Variants in FRMD4A observed in about 807,000 individuals in gnomAD.
FRMD4A encodes the protein FERM domain-containing protein 4A.
In FRMD4A, 29 loss-of-function variants were observed where a neutral mutation model predicts 129.1. That is an observed-to-expected ratio of 0.22 (90% CI 0.17 to 0.31). The LOEUF is 0.31. Ranked by LOEUF, FRMD4A falls within the 10% of genes least tolerant of loss-of-function variation. FRMD4A has a pLI of 1.00. For synonymous variants in FRMD4A, 634 were observed against 571.6 expected, an observed-to-expected ratio of 1.11 and a Z score of -1.56; for missense variants, 1,272 against 1,375.8, an observed-to-expected ratio of 0.92 and a Z score of 1.19.
intron 2 of FRMD4A, among the ~76,000 whole-genome samples, chr10:13,962,038 CG>C (rs2095448739): frequency 1.6e-5 from 2 of 128,416 alleles, no homozygotes; most frequent in African/African-American, 5.7e-5. Context: ...CAAAAACACA[CG>C]AATGAATGAA....
chr10:13,942,364 C>T (rs949159883), intron 2 of FRMD4A, among the ~76,000 whole-genome samples: 2 of 152,174 alleles, frequency 1.3e-5, no homozygotes, highest in African/African-American at 4.8e-5. Flanking sequence ...GGGCTGAGCT[C>T]TGTGAACAAA....
chr10:14,301,095 G>A (rs1419679434), intron 2 of FRMD4A, among the ~76,000 whole-genome samples: 1 of 152,192 alleles, frequency 6.6e-6, no homozygotes, highest in Non-Finnish European at 1.5e-5. Flanking sequence ...AGATAGTAAA[G>A]ATCAAGCGAG....
At chr10:14,221,072 C>T (rs901879222) in intron 2 of FRMD4A, among the ~76,000 whole-genome samples, 1 of 152,062 alleles carries the variant, frequency 6.6e-6, no homozygotes, top group African/African-American at 2.4e-5. Flanking sequence ...GAAAGACTTC[C>T]TGAATAAACA....
chr10:13,841,761 G>C (rs2093969803), intron 3 of FRMD4A, among the ~76,000 whole-genome samples: 1 of 152,116 alleles, frequency 6.6e-6, no homozygotes, highest in Non-Finnish European at 1.5e-5. Context: ...TTCATCATGA[G>C]TATGGCACTT....
At chr10:14,010,367 A>G (rs1470549181) in intron 2 of FRMD4A, among the ~76,000 whole-genome samples, 2 of 152,240 alleles carry the variant, frequency 1.3e-5, no homozygotes, top group Non-Finnish European at 2.9e-5. Context: ...GTTAAAATAC[A>G]TATAGAAGAG....
chr10:13,720,162 C>T (rs2089282400), intron 12 of FRMD4A, among the ~76,000 whole-genome samples: 1 of 152,212 alleles, frequency 6.6e-6, no homozygotes, highest in African/African-American at 2.4e-5. Context: ...AATTCTCCTG[C>T]CTCAGCCTCC....
At chr10:13,991,867 G>T (rs1229108846) in intron 2 of FRMD4A, 5 of 152,430 alleles carry the variant, frequency 3.3e-5, no homozygotes, top group African/African-American at 1.2e-4. Flanking sequence ...AAAATTAAGG[G>T]TAATCTAAAA....
chr10:14,082,027 T>A (rs1460335925), intron 2 of FRMD4A, among the ~76,000 whole-genome samples: 1 of 152,216 alleles, frequency 6.6e-6, no homozygotes, highest in East Asian at 1.9e-4. Flanking sequence ...GGCAGGTGGA[T>A]CACGAGGTCA....
chr10:13,782,943 G>T lies in FRMD4A; in HGVS notation c.363C>A (p.Asn121Lys). The change falls in exon 6 of 25, where the codon AAC becomes AAA. Residue 121 changes from asparagine to lysine, a missense_variant. Coordinates refer to ENST00000357447, the MANE Select transcript of FRMD4A (RefSeq NM_018027.5). Reference protein sequence around the residue: ...DNATIELFFLNAKSCIYKELI... With the variant: ...DNATIELFFLKAKSCIYKELI... ...CTACCTTGTAGATGCAGGACTTCGC[G>T]TTCAGAAAGAAAAGCTCAATGGTAG... 1 of 1,481,912 alleles carries T rather than the reference G, an allele frequency of 6.7e-7. No individual in the cohort carries two copies. The highest frequency in any genetic ancestry group is 9.4e-7 in the Non-Finnish European group (1 of 1,059,360). 91.8% of individuals were successfully genotyped at this position (1,481,912 alleles called of 1,614,324 possible).
intron 2 of FRMD4A, among the ~76,000 whole-genome samples, chr10:13,904,246 C>A (rs928674391): frequency 1.9e-4 from 5 of 26,500 alleles, no homozygotes; most frequent in Non-Finnish European, 3.4e-4. Context: ...CGCCTCCCAG[C>A]CAAGGAGAAC....
chr10:14,156,329 T>C (rs1373714711), intron 2 of FRMD4A, among the ~76,000 whole-genome samples: 1 of 152,160 alleles, frequency 6.6e-6, no homozygotes, highest in Non-Finnish European at 1.5e-5. Flanking sequence ...CACACCCATT[T>C]TGAATGAGTT....
chr10:14,155,265 G>T (rs927577423), intron 2 of FRMD4A, among the ~76,000 whole-genome samples: 1 of 152,204 alleles, frequency 6.6e-6, no homozygotes, highest in African/African-American at 2.4e-5. Context: ...ACTGCACTCT[G>T]GCCTGGGAGA....
intron 9 of FRMD4A, among the ~76,000 whole-genome samples, chr10:13,740,824 TTTG>T (rs1442227691): frequency 1.7e-4 from 10 of 59,902 alleles, no homozygotes; most frequent in African/African-American, 9.4e-4. Context: ...GTCTTGGATG[TTTG>T]TTTTTTTTTT....
intron 2 of FRMD4A, among the ~76,000 whole-genome samples, chr10:13,912,560 G>T (rs1257901204): frequency 1.5e-5 from 2 of 132,298 alleles, no homozygotes; most frequent in African/African-American, 2.9e-5. Context: ...ATGGAGTCTC[G>T]CTCTGTCGCC....
chr10:13,902,125 T>TC (rs2094826499), intron 2 of FRMD4A, among the ~76,000 whole-genome samples: 1 of 146,062 alleles, frequency 6.8e-6, no homozygotes, highest in South Asian at 2.2e-4. Flanking sequence ...CAAGTGATCC[T>TC]CCTGTCTCAG....
intron 2 of FRMD4A, among the ~76,000 whole-genome samples, chr10:14,170,070 T>C (rs1461259765): frequency 6.6e-6 from 1 of 152,192 alleles, no homozygotes; most frequent in Admixed American, 6.5e-5. Context: ...CGAATAATTC[T>C]AAGTGACTTT....
At chr10:14,314,977 A>G (rs986831739) in intron 2 of FRMD4A, among the ~76,000 whole-genome samples, 5 of 150,448 alleles carry the variant, frequency 3.3e-5, no homozygotes, top group African/African-American at 1.2e-4. Flanking sequence ...ACTTTCCTTT[A>G]TCTCTCTGCT....
chr10:14,067,700 C>T (rs1835129420), intron 2 of FRMD4A, among the ~76,000 whole-genome samples: 1 of 152,084 alleles, frequency 6.6e-6, no homozygotes, highest in African/African-American at 2.4e-5. Flanking sequence ...GCCCGTAGTC[C>T]CAGCTACTCG....
chr10:14,024,232 G>A (rs937437971), intron 2 of FRMD4A, among the ~76,000 whole-genome samples: 1 of 152,212 alleles, frequency 6.6e-6, no homozygotes, highest in Non-Finnish European at 1.5e-5. Flanking sequence ...AAATCATGTG[G>A]ACTTGGGAAC....
Sources: gnomAD v4.1 joint callset for allele counts (sites outside exome capture counted in the v4.1 genomes callset) on GRCh38, gnomAD v4.1.1 for gene constraint, MANE v1.5 for transcripts, NCBI Gene and HGNC (gene_info 2026-07-23, HGNC 2026-07-21) for gene names.